The following SYNE2 variants were observed in gnomAD, a reference collection of about 807,000 sequenced individuals.
SYNE2 encodes the protein nesprin-2.
In SYNE2, 431 loss-of-function variants were observed where a neutral mutation model predicts 856.3. That is an observed-to-expected ratio of 0.50 (90% CI 0.47 to 0.55). SYNE2 has a LOEUF of 0.55. Among genes scored for constraint, SYNE2 ranks in the 20% least tolerant of loss-of-function variants. The pLI, the probability that SYNE2 is intolerant of heterozygous loss-of-function variation, is 0.00. For missense variants in SYNE2, 8,129 were observed against 8,023.2 expected (o/e 1.01, Z -0.50); for synonymous variants, 2,923 against 2,872.3 (o/e 1.02, Z -0.56).
intron 84 of SYNE2, among the ~76,000 whole-genome samples, chr14:64,151,511 CAA>C (rs201140500): frequency 5.5e-4 from 9 of 16,430 alleles, no homozygotes; most frequent in East Asian, 1.9e-3. Context: ...AAGCAATTTT[CAA>C]AAAAAAAAAA....
chr14:64,212,790 TTC>T lies in SYNE2; in HGVS notation c.18862-19_18862-18del, dbSNP rs1203364234. ...TCAGGGTAACTTTCTTTGAAATCCTTTCTTTCTCCTCTCTCAACAGGGCTTCC... is the reference window on the plus strand; with the variant it reads ...TCAGGGTAACTTTCTTTGAAATCCTTTTTCTCCTCTCTCAACAGGGCTTCC... On this transcript the variant is annotated intron_variant, in intron 104 of 115. Transcript: ENST00000555002. 5.0e-6 allele frequency: 8 copies of T among 1,613,140 alleles called. No individual in the cohort carries two copies. The highest frequency in any genetic ancestry group is 6.8e-6 in the Non-Finnish European group (8 of 1,179,132).
At chr14:63,815,146 A>ATC (rs1491388753) in intron 1 of SYNE2, among the ~76,000 whole-genome samples, 11 of 55,076 alleles carry the variant, frequency 2.0e-4, no homozygotes, top group South Asian at 1.4e-3. Context: ...CCATATATAT[A>ATC]CACATATATA....
intron 57 of SYNE2, among the ~76,000 whole-genome samples, chr14:64,086,702 C>CTTTTTTTTTTTTTTT: frequency 1.5e-5 from 1 of 64,652 alleles, no homozygotes; most frequent in Non-Finnish European, 2.7e-5. Context: ...GTATGCAGGT[C>CTTTTTTTTTTTTTTT]TTTTTTTTTT....
chr14:64,074,017 C>T lies in SYNE2; in HGVS notation c.10747C>T (p.Gln3583Ter), dbSNP rs2097435851. The T allele has an allele frequency of 6.2e-7, 1 of 1,614,078 alleles. No individual in the cohort carries two copies. Among genetic ancestry groups the T allele is most frequent in the African/African-American group, 1.3e-5 (1 of 74,944 alleles). ...TAAAGAATTGGTGCAGACTGAAATC[C>T]AAGAAAGACATTCCTTCACAAAAGA... ...KNKELVQTEI[Q>*]ERHSFTKEII... is the part of the protein sequence containing the mutation. Residue 3583 changes from glutamine to a stop codon, truncating the protein, a stop_gained, in exon 53 of 116, where the codon CAA becomes TAA. Coordinates refer to ENST00000555002, the MANE Select transcript of SYNE2 (RefSeq NM_182914.3). LOFTEE classifies it high-confidence loss of function.
Position 64,198,913 on chromosome 14 carries a change from C to T in SYNE2, c.18039-3888C>T, listed in dbSNP as rs115684095. On this transcript the variant is annotated intron_variant, in intron 99 of 115. Transcript: ENST00000555002. Reference sequence around the variant, plus strand: ...TTCAACAGCTATTATTGAGCAACTCCTATGTTGTATTACAGTGTCAACATT... The same window carrying T: ...TTCAACAGCTATTATTGAGCAACTCTTATGTTGTATTACAGTGTCAACATT... Among the ~76,000 whole-genome samples, 754 of 152,332 alleles carry T rather than the reference C, an allele frequency of 4.9e-3. 4 individuals are homozygous for T. The highest frequency in any genetic ancestry group is 0.017 in the African/African-American group (702 of 41,562).
At chr14:63,989,483 G>A (rs541068800) in intron 19 of SYNE2, among the ~76,000 whole-genome samples, 1 of 151,804 alleles carries the variant, frequency 6.6e-6, no homozygotes, top group African/African-American at 2.4e-5. Flanking sequence ...GACTATAGGC[G>A]CCCGCCACCA....
In SYNE2 at chr14:63,983,984, G is replaced by A. The variant is rs1045546069; in HGVS notation, c.2151+98G>A. 3.4e-6 allele frequency: 3 copies of A among 871,524 alleles called. No individual in the cohort carries two copies. In the Admixed American group the frequency reaches 7.2e-5, roughly 21 times the overall value. 54.0% of individuals were successfully genotyped at this position (871,524 alleles called of 1,614,324 possible). ...TTGCCGGGCACGGTGGCTCATGCCT[G>A]TAATCCCAGCACTTTGGGAGGACAA... On this transcript the variant is annotated intron_variant, in intron 18 of 115. Coordinates refer to ENST00000555002, the MANE Select transcript of SYNE2 (RefSeq NM_182914.3).
At chr14:63,976,101 T>C (rs2096540600) in intron 11 of SYNE2, among the ~76,000 whole-genome samples, 1 of 152,134 alleles carries the variant, frequency 6.6e-6, no homozygotes, top group South Asian at 2.1e-4. Flanking sequence ...AGGACAGATA[T>C]TCGGGAGATA....
intron 85 of SYNE2, among the ~76,000 whole-genome samples, chr14:64,156,850 T>G (rs1323819070): frequency 6.6e-6 from 1 of 152,254 alleles, no homozygotes; most frequent in East Asian, 1.9e-4. Context: ...GTTGCCAACA[T>G]GAGACTCACA....
chr14:63,988,548 A>G (rs1298167101), intron 19 of SYNE2, among the ~76,000 whole-genome samples: 1 of 152,252 alleles, frequency 6.6e-6, no homozygotes, highest in Admixed American at 6.5e-5. Context: ...CCCAAGACAA[A>G]TAAGATCAAC....
chr14:64,202,054 C>T (rs1160927461), intron 99 of SYNE2: 17 of 632,946 alleles, frequency 2.7e-5, no homozygotes, highest in Middle Eastern at 8.2e-4. Flanking sequence ...CCAAGTTGTA[C>T]TCATGCCATG....
intron 48 of SYNE2, among the ~76,000 whole-genome samples, chr14:64,055,577 C>T (rs1337831606): frequency 1.3e-5 from 2 of 152,108 alleles, no homozygotes; most frequent in East Asian, 3.9e-4. Flanking sequence ...CCATACTGGC[C>T]AGGCTGGTCT....
chr14:63,843,660 T>C (rs1280190173), intron 1 of SYNE2, among the ~76,000 whole-genome samples: 1 of 152,196 alleles, frequency 6.6e-6, no homozygotes, highest in Non-Finnish European at 1.5e-5. Context: ...TCCTATTTTA[T>C]TCAGAATTTT....
intron 11 of SYNE2, among the ~76,000 whole-genome samples, chr14:63,971,473 G>A (rs962779291): frequency 4.6e-5 from 7 of 151,594 alleles, no homozygotes; most frequent in Admixed American, 1.3e-4. Context: ...TAGAAATCCT[G>A]CAAGCAAATT....
chr14:63,899,253 G>A (rs2095303258), intron 1 of SYNE2, among the ~76,000 whole-genome samples: 1 of 151,942 alleles, frequency 6.6e-6, no homozygotes, highest in South Asian at 2.1e-4. Flanking sequence ...TGTAAGTGGA[G>A]TGCAGTGTCA....
chr14:64,002,138 A>G (rs949443527), intron 29 of SYNE2, 57 bp downstream of exon 29: 4 of 1,359,808 alleles, frequency 2.9e-6, no homozygotes, highest in Non-Finnish European at 4.2e-6. Context: ...TTTGAGATTT[A>G]TAAATCCTTA....
rs757198476 is a variant in SYNE2, at chr14:64,052,156, G to T, written c.8243G>T (p.Gly2748Val). 6.2e-7 allele frequency: 1 copy of T among 1,614,140 alleles called. No homozygotes were observed. Among genetic ancestry groups the T allele is most frequent in the Non-Finnish European group, 8.5e-7 (1 of 1,180,046 alleles). ...ATCTTATGGGCCAAGAATTTGTTGGGTGAACTTAATCCCTCCATTCCCCTT... is the reference window on the plus strand; with the variant it reads ...ATCTTATGGGCCAAGAATTTGTTGGTTGAACTTAATCCCTCCATTCCCCTT... ...ETILWAKNLL[G>V]ELNPSIPLLP... Residue 2748 changes from glycine to valine, a missense_variant, in exon 48 of 116, where the codon GGT (glycine) becomes GTT (valine). Physicochemically the swap from Gly to Val is moderately radical, Grantham distance 109. Transcript: ENST00000555002.
intron 1 of SYNE2, among the ~76,000 whole-genome samples, chr14:63,884,644 G>A (rs2094940690): frequency 6.6e-6 from 1 of 152,062 alleles, no homozygotes; most frequent in South Asian, 2.1e-4. Flanking sequence ...GTGCAAAGAC[G>A]GGAAGGTGAG....
chr14:64,026,913 G>A (rs1307705815), intron 42 of SYNE2, among the ~76,000 whole-genome samples, 183 bp downstream of exon 42: 2 of 152,178 alleles, frequency 1.3e-5, no homozygotes, highest in South Asian at 2.1e-4. Flanking sequence ...TATCTGCATG[G>A]TATCACTGTA....
Sources: allele counts gnomAD v4.1 joint callset (sites outside exome capture counted in the v4.1 genomes callset), GRCh38; gene constraint gnomAD v4.1.1; transcripts MANE v1.5; gene names NCBI Gene and HGNC (gene_info 2026-07-23, HGNC 2026-07-21).